PTPRK: variants seen among roughly 807,000 people sequenced by gnomAD.
The protein encoded by PTPRK is protein tyrosine phosphatase receptor type K, also known as receptor-type tyrosine-protein phosphatase kappa.
A neutral mutation model predicts 178.0 loss-of-function variants in PTPRK; 75 were observed. The observed-to-expected ratio is 0.42, with a 90% CI of 0.35 to 0.51. The LOEUF is 0.51. Ranked by LOEUF, PTPRK falls within the 20% of genes least tolerant of loss-of-function variation. The pLI, the probability that PTPRK is intolerant of heterozygous loss-of-function variation, is 0.02. For synonymous variants in PTPRK, 637 were observed against 620.6 expected (o/e 1.03, Z -0.39); for missense variants, 1,441 against 1,797.8 (o/e 0.80, Z 3.59).
intron 13 of PTPRK, 117 bp downstream of exon 13, chr6:128,064,641 C>T: frequency 7.5e-7 from 1 of 1,332,558 alleles, no homozygotes; most frequent in Non-Finnish European, 9.9e-7. Flanking sequence ...CCACATGAGT[C>T]ACAGAACTAA....
At position 128,365,038 on chromosome 6, in the gene PTPRK, C is replaced by T. The variant is rs184598653; in HGVS notation, c.223+32528G>A. Reference sequence around the variant, plus strand: ...GGTAAATTTAAGAATAGGTTTGTAACGTAGACTGTATCTGCATATATCTGA... The same window carrying T: ...GGTAAATTTAAGAATAGGTTTGTAATGTAGACTGTATCTGCATATATCTGA... On this transcript the variant is annotated intron_variant, in intron 2 of 29. Coordinates refer to ENST00000368226, the MANE Select transcript of PTPRK (RefSeq NM_002844.4). 4.8e-4 allele frequency among the ~76,000 whole-genome samples: 73 copies of T among 151,966 alleles called. 1 individual carries two copies. Among genetic ancestry groups the T allele is most frequent in the Non-Finnish European group, 7.9e-4 (54 of 67,926 alleles).
At chr6:128,386,128 T>C (rs558845755) in intron 2 of PTPRK, among the ~76,000 whole-genome samples, 5 of 152,326 alleles carry the variant, frequency 3.3e-5, no homozygotes, top group East Asian at 3.9e-4. Flanking sequence ...TTAATTGATA[T>C]GTGCTTCTGA....
At chr6:128,508,077 A>C (rs930313660) in intron 1 of PTPRK, among the ~76,000 whole-genome samples, 1 of 152,172 alleles carries the variant, frequency 6.6e-6, no homozygotes. Flanking sequence ...TGTAAGACAG[A>C]CAGAGCTTTG....
At chr6:128,225,531 GGAT>G (rs562677066) in intron 5 of PTPRK, among the ~76,000 whole-genome samples, 78 of 152,086 alleles carry the variant, frequency 5.1e-4, no homozygotes, top group Non-Finnish European at 9.0e-4. Context: ...CAGTCTCACA[GGAT>G]GATAAAGATA....
At chr6:128,248,322 C>A (rs1452345515) in intron 3 of PTPRK, among the ~76,000 whole-genome samples, 1 of 152,158 alleles carries the variant, frequency 6.6e-6, no homozygotes, top group Non-Finnish European at 1.5e-5. Flanking sequence ...TATAAAACAT[C>A]ATCACATAAA....
chr6:128,213,293 A>C (rs933301241), intron 6 of PTPRK, among the ~76,000 whole-genome samples: 1 of 151,982 alleles, frequency 6.6e-6, no homozygotes, highest in Admixed American at 6.6e-5. Flanking sequence ...GGAGACTCCA[A>C]ATGTTTCTTT....
At position 128,519,619 on chromosome 6, in the gene PTPRK, C is replaced by A. The variant is rs1482268678; in HGVS notation, c.100+640G>T. ...AACGCTCAGAGTGGGTCCTTAGAAC[C>A]GCATTTCAACACATCTTACAGGGCT... On this transcript the variant is annotated intron_variant, in intron 1 of 29. Transcript: ENST00000368226. This position sits in a 1 kb window ranked among gnomAD's most constrained non-coding sequence, Gnocchi z 4.3. Among the ~76,000 whole-genome samples, 1 of 152,180 alleles carries A rather than the reference C, an allele frequency of 6.6e-6. No individual in the cohort carries two copies. Among genetic ancestry groups the A allele is most frequent in the African/African-American group, 2.4e-5 (1 of 41,454 alleles).
intron 5 of PTPRK, chr6:128,235,638 T>C (rs1396201789): frequency 6.3e-6 from 3 of 474,414 alleles, no homozygotes; most frequent in East Asian, 6.6e-5. Context: ...AAACCATTCA[T>C]AGGTTTTAAA....
At chr6:128,202,936 G>A (rs1806236933) in intron 6 of PTPRK, among the ~76,000 whole-genome samples, 1 of 151,512 alleles carries the variant, frequency 6.6e-6, no homozygotes. Context: ...ACCAAAACTT[G>A]ACAGAGATAC....
rs765972344 is a variant in PTPRK at position 128,184,458 on chromosome 6, G to A, written c.1136C>T (p.Pro379Leu). ...TGCACATTTTGTTCTGGTGATTAGT[G>A]GAGGTCCTGGGAGCCCCGTTCCACC... Reference protein sequence around the residue: ...GEGGTGLPGPPLITRTKCAEP... With the variant: ...GEGGTGLPGPLLITRTKCAEP... The change falls in exon 7 of 30, where the codon CCA becomes CTA. Residue 379 changes from proline to leucine, a missense_variant. Physicochemically the swap from Pro to Leu is moderately conservative, Grantham distance 98. This residue lies in a region of PTPRK where 945 missense variants were observed against 1,080.6 expected (regional missense o/e 0.87). Coordinates refer to ENST00000368226, the MANE Select transcript of PTPRK (RefSeq NM_002844.4). The A allele has an allele frequency of 5.0e-6, 8 of 1,613,456 alleles. No homozygotes were observed. The East Asian group carries it at 1.6e-4, about 32-fold the overall frequency.
chr6:128,116,277 T>C (rs976761640), intron 7 of PTPRK, among the ~76,000 whole-genome samples: 6 of 152,282 alleles, frequency 3.9e-5, no homozygotes, highest in East Asian at 1.9e-4. Flanking sequence ...CTTATCTTTA[T>C]TTAATTTAGA....
At chr6:128,479,058 C>T (rs547695848) in intron 1 of PTPRK, among the ~76,000 whole-genome samples, 104 of 152,106 alleles carry the variant, frequency 6.8e-4, no homozygotes, top group African/African-American at 2.4e-3. Flanking sequence ...GGAATAAAGC[C>T]TCAGCAAACA....
chr6:128,215,596 T>C (rs1274084817), intron 6 of PTPRK, among the ~76,000 whole-genome samples: 2 of 152,186 alleles, frequency 1.3e-5, no homozygotes, highest in Non-Finnish European at 1.5e-5. Context: ...TACTTTTTTT[T>C]ATTCTTCTGG....
intron 2 of PTPRK, among the ~76,000 whole-genome samples, chr6:128,391,938 T>TA (rs1839640972): frequency 6.6e-6 from 1 of 152,156 alleles, no homozygotes; most frequent in Admixed American, 6.6e-5. Flanking sequence ...CCATGTCTTA[T>TA]TTAATTTTCA....
chr6:128,063,936 C>A (rs1382003086), intron 13 of PTPRK, among the ~76,000 whole-genome samples: 1 of 152,166 alleles, frequency 6.6e-6, no homozygotes, highest in African/African-American at 2.4e-5. Context: ...CTACTGGACA[C>A]AAATGTGGGT....
intron 6 of PTPRK, among the ~76,000 whole-genome samples, chr6:128,212,735 C>CTCGGAAGAGCTGGCTTTG: frequency 6.6e-6 from 1 of 152,050 alleles, no homozygotes; most frequent in Non-Finnish European, 1.5e-5. Flanking sequence ...GTGACCAGTA[C>CTCGGAAGAGCTGGCTTTG]CCTACCCACT....
intron 11 of PTPRK, among the ~76,000 whole-genome samples, chr6:128,069,859 T>C (rs1389990040): frequency 6.6e-6 from 1 of 152,092 alleles, no homozygotes; most frequent in Admixed American, 6.6e-5. Flanking sequence ...GCAAAGTAAA[T>C]TGCCAGTGTT....
chr6:128,230,692 A>T (rs564289159), intron 5 of PTPRK: 1 of 152,330 alleles, frequency 6.6e-6, no homozygotes, highest in East Asian at 1.9e-4. Context: ...TGATCCCAGG[A>T]GCTCAATGGG....
chr6:128,383,852 T>C (rs1170298379), intron 2 of PTPRK, among the ~76,000 whole-genome samples: 1 of 152,196 alleles, frequency 6.6e-6, no homozygotes, highest in Admixed American at 6.5e-5. Context: ...GTCAAAATCA[T>C]TAGTAGATTA....
Sources: gnomAD v4.1 joint callset for allele counts (sites outside exome capture counted in the v4.1 genomes callset) on GRCh38, gnomAD v4.1.1 for gene constraint, gnomAD v4.1.1 regional missense constraint, Gnocchi (gnomAD v3.1) non-coding constraint, MANE v1.5 for transcripts, NCBI Gene and HGNC (gene_info 2026-07-23, HGNC 2026-07-21) for gene names.